NFASC: variants seen among roughly 807,000 people sequenced by gnomAD.
NFASC encodes the protein neurofascin homolog.
In NFASC, 43 loss-of-function variants were observed where a neutral mutation model predicts 147.5. The ratio of observed to expected loss-of-function variants is 0.29; its 90% CI spans 0.23 to 0.38. The LOEUF (loss-of-function observed/expected upper bound fraction) is 0.38, where lower values mean the gene tolerates loss of function less well. Ranked by LOEUF, NFASC falls within the 10% of genes least tolerant of loss-of-function variation. The pLI is 1.00. For synonymous variants in NFASC, 622 were observed against 665.5 expected (o/e 0.93, Z 1.01); for missense variants, 1,320 against 1,689.0 (o/e 0.78, Z 3.83).
At chr1:204,963,939 A>G (rs959212165) in intron 8 of NFASC, among the ~76,000 whole-genome samples, 8 of 152,216 alleles carry the variant, frequency 5.3e-5, no homozygotes, top group Admixed American at 4.6e-4. Flanking sequence ...CCATACTTCT[A>G]TTTTGTTTTA....
At chr1:204,878,067 TC>T (rs1341791894) in intron 1 of NFASC, among the ~76,000 whole-genome samples, 1 of 152,228 alleles carries the variant, frequency 6.6e-6, no homozygotes, top group Non-Finnish European at 1.5e-5. Flanking sequence ...GCAGCTGACT[TC>T]TGGAGTTTGA....
chr1:204,993,116 G>A (rs115962299), intron 24 of NFASC, among the ~76,000 whole-genome samples: 2,665 of 152,312 alleles, frequency 0.017, 78 homozygotes, highest in African/African-American at 0.06. Flanking sequence ...TGTTTCTGAC[G>A]TGGGCCTGGC....
intron 1 of NFASC, among the ~76,000 whole-genome samples, chr1:204,877,268 C>T (rs148758411): frequency 8.5e-4 from 129 of 151,518 alleles, no homozygotes; most frequent in African/African-American, 3.0e-3. Flanking sequence ...GGAGACTTAA[C>T]ATTTAAACGC....
intron 21 of NFASC, chr1:204,984,172 C>T: frequency 6.8e-7 from 1 of 1,479,632 alleles, no homozygotes; most frequent in Non-Finnish European, 9.5e-7. Flanking sequence ...ACTCACCTAA[C>T]TACCCAGCTC....
At chr1:204,901,149 C>A (rs779756626) in intron 1 of NFASC, among the ~76,000 whole-genome samples, 3 of 152,132 alleles carry the variant, frequency 2.0e-5, no homozygotes, top group Non-Finnish European at 2.9e-5. Context: ...TAGTTAGCAG[C>A]TCCGAGATGC....
chr1:204,891,453 C>T (rs2082369561), intron 1 of NFASC, among the ~76,000 whole-genome samples: 1 of 152,134 alleles, frequency 6.6e-6, no homozygotes, highest in South Asian at 2.1e-4. Flanking sequence ...CTGAATAGGT[C>T]CTACTTTATC....
Position 204,997,199 on chromosome 1 carries a change from GGTGCGACGGGCGCTGTGA to G in NFASC, c.2814_2831del (p.Ala939_Ser944del). 1 of 1,613,354 alleles carries G rather than the reference GGTGCGACGGGCGCTGTGA, an allele frequency of 6.2e-7. No individual in the cohort carries two copies. Among genetic ancestry groups the G allele is most frequent in the Non-Finnish European group, 8.5e-7 (1 of 1,179,484 alleles). On this transcript the variant is annotated inframe_deletion, in exon 25 of 30. Transcript: ENST00000339876. ...TCCCACATTGCCCCCGACTACCGTG[GGTGCGACGGGCGCTGTGA>G]GCAGTACCGATGCTACTGCCATTGC...
chr1:204,849,356 C>G (rs1020307573), intron 1 of NFASC, among the ~76,000 whole-genome samples: 6 of 152,174 alleles, frequency 3.9e-5, no homozygotes, highest in African/African-American at 1.4e-4. Context: ...TAGAAACTGT[C>G]AGAGCTTCAA....
rs2095489001 is a variant in NFASC, at chr1:204,980,370, C to G, written c.2177C>G (p.Pro726Arg). 6.2e-7 allele frequency: 1 copy of G among 1,612,868 alleles called. No individual in the cohort carries two copies. The highest frequency in any genetic ancestry group is 1.7e-5 in the Admixed American group (1 of 59,926). The change falls in exon 20 of 30, where the codon CCC (proline) becomes CGC (arginine). Residue 726 changes from proline to arginine, a missense_variant and splice_region_variant. Physicochemically the swap from Pro to Arg is moderately radical, Grantham distance 103 (BLOSUM62 -2). Coordinates refer to ENST00000339876, the MANE Select transcript of NFASC (RefSeq NM_001005388.3). ...GAGCCTGTGTCTGTTTGGGTTCCAG[C>G]CCCCGAGTCCAATCCTGGTGACGTG... is the stretch of plus-strand genomic sequence containing the variant. ...PSERYRTSGA[P>R]PESNPGDVKG...
At chr1:205,007,113 C>T (rs919484216) in intron 27 of NFASC, among the ~76,000 whole-genome samples, 3 of 148,982 alleles carry the variant, frequency 2.0e-5, no homozygotes, top group Non-Finnish European at 3.0e-5. Flanking sequence ...AAGAGGGCAG[C>T]ATGTGAGCTG....
chr1:204,938,348 C>T (rs1312111872), intron 2 of NFASC, among the ~76,000 whole-genome samples: 1 of 152,222 alleles, frequency 6.6e-6, no homozygotes, highest in African/African-American at 2.4e-5. Context: ...AGCTCAAACC[C>T]ACTCAGGGGC....
At chr1:204,838,736 C>T (rs1408509675) in intron 1 of NFASC, among the ~76,000 whole-genome samples, 1 of 152,190 alleles carries the variant, frequency 6.6e-6, no homozygotes, top group African/African-American at 2.4e-5. Context: ...GATCCATCTC[C>T]CACTGCAACT....
intron 1 of NFASC, among the ~76,000 whole-genome samples, chr1:204,913,674 A>G (rs1305083286): frequency 2.0e-5 from 3 of 152,152 alleles, no homozygotes; most frequent in African/African-American, 7.2e-5. Context: ...AGATTGAAGC[A>G]TGATTACCAG....
chr1:204,888,610 G>A (rs550815549), intron 1 of NFASC, among the ~76,000 whole-genome samples: 129 of 152,306 alleles, frequency 8.5e-4, no homozygotes, highest in Middle Eastern at 3.4e-3. Context: ...CTGAGCACAA[G>A]TGACCTCGCA....
chr1:204,977,225 C>A, intron 16 of NFASC: 1 of 554,440 alleles, frequency 1.8e-6, no homozygotes, highest in Non-Finnish European at 2.4e-6. Context: ...GTTTTGGTAG[C>A]GTTTCATCAC....
intron 1 of NFASC, chr1:204,871,195 G>A: frequency 1.1e-6 from 1 of 943,528 alleles, no homozygotes; most frequent in Non-Finnish European, 1.4e-6. Context: ...ACAAAGCTAA[G>A]ACTGTGGTTG....
At chr1:204,878,984 A>G (rs745543351) in intron 1 of NFASC, among the ~76,000 whole-genome samples, 6 of 152,230 alleles carry the variant, frequency 3.9e-5, no homozygotes, top group South Asian at 4.1e-4. Context: ...CTACAGTTTG[A>G]TTTTTATTGG....
chr1:204,984,505 T>C (rs2095575835), intron 21 of NFASC, among the ~76,000 whole-genome samples: 1 of 151,454 alleles, frequency 6.6e-6, no homozygotes, highest in Admixed American at 6.6e-5. Flanking sequence ...GCATAGCACG[T>C]TGCGTTTGGA....
chr1:204,972,364 T>C (rs954287749), intron 11 of NFASC, among the ~76,000 whole-genome samples: 1 of 152,236 alleles, frequency 6.6e-6, no homozygotes, highest in Admixed American at 6.5e-5. Context: ...AGAAAATTTT[T>C]GTTTTTACAG....
Sources: gnomAD v4.1 joint callset for allele counts (sites outside exome capture counted in the v4.1 genomes callset) on GRCh38, gnomAD v4.1.1 for gene constraint, MANE v1.5 for transcripts, NCBI Gene and HGNC (gene_info 2026-07-23, HGNC 2026-07-21) for gene names.